The following KLKB1 variants were observed in gnomAD, a reference collection of about 807,000 sequenced individuals.
The protein encoded by KLKB1 is plasma kallikrein.
Under a neutral mutation model 73.6 loss-of-function variants are expected in KLKB1, and 58 were observed. The ratio of observed to expected loss-of-function variants is 0.79; its 90% CI spans 0.64 to 0.98. The LOEUF is 0.98. Ranked by LOEUF, KLKB1 falls within the 50% of genes least tolerant of loss-of-function variation. The pLI is 0.00. For synonymous variants in KLKB1, 280 were observed against 258.1 expected, an observed-to-expected ratio of 1.08 and a Z score of -0.81; for missense variants, 737 against 763.8, an observed-to-expected ratio of 0.96 and a Z score of 0.41.
chr4:186,230,653 A>T (rs1208918947), intron 2 of KLKB1, among the ~76,000 whole-genome samples: 1 of 152,180 alleles, frequency 6.6e-6, no homozygotes, highest in Non-Finnish European at 1.5e-5. Flanking sequence ...TCCATTCAGC[A>T]ACAAAATTGG....
chr4:186,237,321 A>G (rs562234241), intron 5 of KLKB1, among the ~76,000 whole-genome samples: 117 of 151,910 alleles, frequency 7.7e-4, no homozygotes, highest in African/African-American at 2.8e-3. Context: ...CTGGTCTCGA[A>G]CTCCTGATCT....
upstream of KLKB1, among the ~76,000 whole-genome samples, chr4:186,224,375 G>T (rs1336128948): frequency 6.6e-6 from 1 of 152,206 alleles, no homozygotes; most frequent in Non-Finnish European, 1.5e-5. Flanking sequence ...CTCAGTGCCG[G>T]CCCATGAAGG....
At chr4:186,213,457 G>T (rs1000125209) in intron 2 of KLKB1, 2 of 152,170 alleles carry the variant, frequency 1.3e-5, no homozygotes, top group African/African-American at 2.4e-5. Context: ...TAGCACTTTC[G>T]AGCTGATGTC....
In KLKB1 at chr4:186,254,597, G is replaced by A; in HGVS notation, c.1323G>A (p.Leu441=). 1 of 1,613,900 alleles carries A rather than the reference G, an allele frequency of 6.2e-7. No individual in the cohort carries two copies. Among genetic ancestry groups the A allele is most frequent in the Non-Finnish European group, 8.5e-7 (1 of 1,179,776 alleles). The change falls in exon 12 of 15, where the codon CTG becomes CTA. Residue 441 remains leucine, a synonymous_variant. Coordinates refer to ENST00000264690, the MANE Select transcript of KLKB1 (RefSeq NM_000892.5). ...TATTTTTCTCTCCTAGGCTTCCCCTGCAGGATGTTTGGCGCATCTATAGTG... is the reference window on the plus strand; with the variant it reads ...TATTTTTCTCTCCTAGGCTTCCCCTACAGGATGTTTGGCGCATCTATAGTG... ...TAAHCFDGLP[L]QDVWRIYSGI...
chr4:186,232,473 CAA>C (rs1351846659), intron 3 of KLKB1, among the ~76,000 whole-genome samples, 184 bp downstream of exon 3: 1 of 152,180 alleles, frequency 6.6e-6, no homozygotes, highest in African/African-American at 2.4e-5. Flanking sequence ...TCTGCTGAAC[CAA>C]AGTTTCTTGT....
upstream of KLKB1, among the ~76,000 whole-genome samples, chr4:186,221,672 A>G (rs956214393): frequency 1.3e-5 from 2 of 152,120 alleles, no homozygotes; most frequent in South Asian, 4.1e-4. Context: ...TATGATTTCA[A>G]TCCTTAAATT....
intron 13 of KLKB1, 47 bp from the exon 14 acceptor site, chr4:186,257,179 T>C (rs1239220696): frequency 3.9e-6 from 4 of 1,024,218 alleles, no homozygotes; most frequent in Admixed American, 2.1e-5. Flanking sequence ...ATTATTTAAG[T>C]TATTATTATT....
At chr4:186,252,427 G>C (rs1405379519) in intron 11 of KLKB1, among the ~76,000 whole-genome samples, 1 of 151,902 alleles carries the variant, frequency 6.6e-6, no homozygotes, top group African/African-American at 2.4e-5. Context: ...GAGAAACGAA[G>C]ACAGTACCCC....
chr4:186,219,025 C>G (rs1736973207), intron 2 of KLKB1, among the ~76,000 whole-genome samples: 1 of 152,144 alleles, frequency 6.6e-6, no homozygotes, highest in Non-Finnish European at 1.5e-5. Context: ...GTACAATGTT[C>G]AAGGGCAGGA....
At position 186,228,269 on chromosome 4, in the gene KLKB1, A is replaced by G. The variant is rs199650690; in HGVS notation, c.58+16A>G. The stretch of plus-strand genomic sequence containing the variant: ...GTTTCCTGTGGTAAGTGAATTATCT[A>G]TAAAACATGGAATTCAGGCTAAGAC... On this transcript the variant is annotated intron_variant, in intron 2 of 14. Coordinates refer to ENST00000264690, the MANE Select transcript of KLKB1 (RefSeq NM_000892.5). The G allele has an allele frequency of 1.3e-6, 2 of 1,548,030 alleles. No individual in the cohort carries two copies. The highest frequency in any genetic ancestry group is 1.4e-5 in the African/African-American group (1 of 73,714).
At chr4:186,247,752 C>T (rs1738431006) in intron 6 of KLKB1, among the ~76,000 whole-genome samples, 1 of 152,192 alleles carries the variant, frequency 6.6e-6, no homozygotes, top group African/African-American at 2.4e-5. Context: ...GTCTGTTTTA[C>T]ATGAATCCCT....
At position 186,236,061 on chromosome 4, in the gene KLKB1, T is replaced by C. The variant is rs1373476486; in HGVS notation, c.329-720T>C. Reference sequence around the variant, plus strand: ...CCCGGGAGGCGGAGCTTGCAGTGAGTCGAGATCGCGCCACTGCGCTCCAGC... The same window carrying C: ...CCCGGGAGGCGGAGCTTGCAGTGAGCCGAGATCGCGCCACTGCGCTCCAGC... On this transcript the variant is annotated intron_variant, in intron 4 of 14. Transcript: ENST00000264690. Among the ~76,000 whole-genome samples the C allele has an allele frequency of 1.9e-3, 271 of 141,444 alleles. 1 individual carries two copies. The highest frequency in any genetic ancestry group is 5.8e-3 in the African/African-American group (217 of 37,198). The allele number at this position is 141,444 out of a possible 152,430, so 92.8% of individuals were successfully genotyped here.
At position 186,251,619 on chromosome 4, in the gene KLKB1, CT is replaced by C; in HGVS notation, c.1004del (p.Leu335TyrfsTer15). ...ATTCGCTGTCAGTTTTTCACTTATTCTTTACTCCCAGAAGACTGTAAGGAAG... is the reference window on the plus strand; with the variant it reads ...ATTCGCTGTCAGTTTTTCACTTATTCTTACTCCCAGAAGACTGTAAGGAAG... ...KMIRCQFFTY[S>X]LLPEDCKEEK... On this transcript the variant is annotated frameshift_variant, in exon 9 of 15. Transcript: ENST00000264690. LOFTEE classifies it high-confidence loss of function. 1 of 1,614,098 alleles carries C rather than the reference CT, an allele frequency of 6.2e-7. No individual in the cohort carries two copies. The highest frequency in any genetic ancestry group is 1.1e-5 in the South Asian group (1 of 91,082).
At chr4:186,215,715 A>T (rs1736884982) in intron 2 of KLKB1, among the ~76,000 whole-genome samples, 1 of 152,168 alleles carries the variant, frequency 6.6e-6, no homozygotes, top group Admixed American at 6.5e-5. Context: ...CTAGGACTAC[A>T]GGTGCATGCC....
chr4:186,215,887 A>G (rs1736889898), intron 2 of KLKB1, among the ~76,000 whole-genome samples: 1 of 152,136 alleles, frequency 6.6e-6, no homozygotes, highest in African/African-American at 2.4e-5. Flanking sequence ...TCAGCTGTCT[A>G]TGCCTTAATT....
chr4:186,235,842 G>A lies in KLKB1; in HGVS notation c.329-939G>A, dbSNP rs532099666. On this transcript the variant is annotated intron_variant, in intron 4 of 14. Coordinates refer to ENST00000264690, the MANE Select transcript of KLKB1 (RefSeq NM_000892.5). ...TCTTTAAAAAAAAAAGAGGCCGGGCGCGGTGGCTCACGCCTGTAATCCCAG... is the reference window on the plus strand; with the variant it reads ...TCTTTAAAAAAAAAAGAGGCCGGGCACGGTGGCTCACGCCTGTAATCCCAG... Among the ~76,000 whole-genome samples the A allele has an allele frequency of 6.4e-4, 98 of 152,096 alleles. 1 individual carries two copies. Among genetic ancestry groups the A allele is most frequent in the African/African-American group, 1.8e-3 (76 of 41,514 alleles).
chr4:186,228,266 T>G lies in KLKB1; in HGVS notation c.58+13T>G, dbSNP rs376136456. The G allele has an allele frequency of 6.4e-6, 10 of 1,555,588 alleles. No individual in the cohort carries two copies. The African/African-American group carries it at 6.8e-5, about 11-fold the overall frequency. On this transcript the variant is annotated intron_variant, in intron 2 of 14. Coordinates refer to ENST00000264690, the MANE Select transcript of KLKB1 (RefSeq NM_000892.5). ...ACAGTTTCCTGTGGTAAGTGAATTA[T>G]CTATAAAACATGGAATTCAGGCTAA... is the stretch of plus-strand genomic sequence containing the variant.
At chr4:186,246,257 A>C (rs1476642088) in intron 6 of KLKB1, among the ~76,000 whole-genome samples, 2 of 152,014 alleles carry the variant, frequency 1.3e-5, no homozygotes, top group African/African-American at 2.4e-5. Context: ...AGATGGGTCC[A>C]TAGAAAAGGA....
At chr4:186,216,433 CAA>C (rs1736904605) in intron 2 of KLKB1, among the ~76,000 whole-genome samples, 1 of 152,018 alleles carries the variant, frequency 6.6e-6, no homozygotes, top group African/African-American at 2.4e-5. Context: ...CGCAGAAAGA[CAA>C]AGAATGGTGA....
Sources: gnomAD v4.1 joint callset for allele counts (sites outside exome capture counted in the v4.1 genomes callset) on GRCh38, gnomAD v4.1.1 for gene constraint, MANE v1.5 for transcripts, NCBI Gene and HGNC (gene_info 2026-07-23, HGNC 2026-07-21) for gene names.